Variants in DST observed in about 807,000 individuals in gnomAD.
DST encodes bullous pemphigoid antigen.
A neutral mutation model predicts 875.2 loss-of-function variants in DST; 253 were observed. The ratio of observed to expected loss-of-function variants is 0.29; its 90% CI spans 0.26 to 0.32. The LOEUF is 0.32. Among genes scored for constraint, DST ranks in the 10% least tolerant of loss-of-function variants. The probability of loss-of-function intolerance (pLI) is 1.00; values close to 1 mark genes in which losing one functional copy is unlikely to be tolerated. For missense variants in DST, 8,287 were observed against 9,111.6 expected (o/e 0.91, Z 3.68); for synonymous variants, 3,124 against 3,197.1 (o/e 0.98, Z 0.77).
intron 58 of DST, 74 bp from the exon 59 acceptor site, chr6:56,557,592 G>A (rs765907888): frequency 5.0e-5 from 57 of 1,138,612 alleles, no homozygotes; most frequent in Non-Finnish European, 6.6e-5. Flanking sequence ...AGGACTGTAT[G>A]GTATGATTTA....
chr6:56,902,498 T>A (rs1351930250), intron 2 of DST, among the ~76,000 whole-genome samples: 1 of 152,118 alleles, frequency 6.6e-6, no homozygotes, highest in African/African-American at 2.4e-5. Context: ...CTGAAGGATA[T>A]GAAGAAAGAG....
At chr6:56,740,184 T>C (rs2099541576) in intron 4 of DST, among the ~76,000 whole-genome samples, 1 of 152,112 alleles carries the variant, frequency 6.6e-6, no homozygotes, top group Admixed American at 6.5e-5. Context: ...CTTAATAAAC[T>C]TGCTTTCACT....
Position 56,532,452 on chromosome 6 carries a change from C to T in DST, c.17000G>A (p.Gly5667Glu), listed in dbSNP as rs2096912612. ...KSTVEVIKRE[G>E]EKIATTAEPA... Reference sequence around the variant, plus strand: ...CTCTGCTGTTGTAGCAATTTTTTCTCCTTCTCGTTTGATTACCTCCACCGT... The same window carrying T: ...CTCTGCTGTTGTAGCAATTTTTTCTTCTTCTCGTTTGATTACCTCCACCGT... The change falls in exon 64 of 104, where the codon GGA becomes GAA. Residue 5667 changes from glycine (G) to glutamate (E), a missense_variant. Physicochemically the swap from Gly to Glu is moderately conservative, Grantham distance 98 (BLOSUM62 -2). Coordinates refer to ENST00000680361, the MANE Select transcript of DST (RefSeq NM_001374736.1). The T allele has an allele frequency of 1.2e-6, 2 of 1,611,924 alleles. No individual in the cohort carries two copies. Among genetic ancestry groups the T allele is most frequent in the Non-Finnish European group, 1.7e-6 (2 of 1,178,878 alleles).
chr6:56,787,174 G>A lies in DST; in HGVS notation c.626-51885C>T, dbSNP rs1478532382. Among the ~76,000 whole-genome samples the A allele has an allele frequency of 1.8e-4, 27 of 152,206 alleles. 1 individual carries two copies. The highest frequency in any genetic ancestry group is 1.8e-3 in the Admixed American group (27 of 15,286). Reference sequence around the variant, plus strand: ...GAGGATGAGAGAACTGAGAACCACTGAGGGAATGGGAATTCTTAAGCTCTC... The same window carrying A: ...GAGGATGAGAGAACTGAGAACCACTAAGGGAATGGGAATTCTTAAGCTCTC... On this transcript the variant is annotated intron_variant, in intron 4 of 103. Transcript: ENST00000680361.
At chr6:56,949,257 TTTG>T (rs1028119570) in intron 2 of DST, among the ~76,000 whole-genome samples, 3 of 152,224 alleles carry the variant, frequency 2.0e-5, no homozygotes, top group Non-Finnish European at 4.4e-5. Context: ...TTTGTTTGTT[TTTG>T]TTGTTTTGTT....
At chr6:56,561,191 C>T in intron 57 of DST, 117 bp downstream of exon 57, 1 of 1,145,292 alleles carries the variant, frequency 8.7e-7, no homozygotes, top group African/African-American at 1.6e-5. Context: ...CAATTATGTG[C>T]TAAAGGTTAC....
rs550137479 is a variant in DST at position 56,689,275 on chromosome 6, C to G, written c.1047+10378G>C. ...CTTTTATAGAAAATGAAACTGAGAC[C>G]TAGAGAAATAAAGAAGACTGCCTAA... is the stretch of plus-strand genomic sequence containing the variant. On this transcript the variant is annotated intron_variant, in intron 9 of 103. Coordinates refer to ENST00000680361, the MANE Select transcript of DST (RefSeq NM_001374736.1). Among the ~76,000 whole-genome samples the G allele has an allele frequency of 1.4e-3, 208 of 152,078 alleles. 2 individuals are homozygous for G. Among genetic ancestry groups the G allele is most frequent in the Non-Finnish European group, 1.7e-3 (114 of 67,982 alleles).
chr6:56,608,215 A>G lies in DST; in HGVS notation c.6413T>C (p.Leu2138Ser). The G allele has an allele frequency of 6.2e-7, 1 of 1,613,662 alleles. No homozygotes were observed. Among genetic ancestry groups the G allele is most frequent in the Non-Finnish European group, 8.5e-7 (1 of 1,179,742 alleles). Residue 2138 changes from leucine (L) to serine (S), a missense_variant, in exon 40 of 104, where the codon TTA (leucine) becomes TCA (serine). Around this residue, in one of 10 missense-constraint regions of DST, gnomAD observed 3,138 missense variants for 3,116.6 expected, o/e 1.01. Transcript: ENST00000680361. ...GIIDNNTASI[L>S]KNITLPDKMP... Reference sequence around the variant, plus strand: ...TTTATCAGGCAGTGTTATATTTTTTAAAATTGATGCTGTGTTGTTGTCTAT... The same window carrying G: ...TTTATCAGGCAGTGTTATATTTTTTGAAATTGATGCTGTGTTGTTGTCTAT...
intron 4 of DST, among the ~76,000 whole-genome samples, chr6:56,772,857 C>A (rs2099670076): frequency 6.6e-6 from 1 of 152,142 alleles, no homozygotes; most frequent in Non-Finnish European, 1.5e-5. Flanking sequence ...CTAGGGTTGT[C>A]ATTGTGACCA....
chr6:56,822,837 T>G (rs558871507), intron 4 of DST, among the ~76,000 whole-genome samples: 16 of 149,206 alleles, frequency 1.1e-4, no homozygotes, highest in Non-Finnish European at 1.8e-4. Context: ...ATTTATTTAT[T>G]TTTTTTTTGA....
At chr6:56,789,776 C>T (rs948687232) in intron 4 of DST, among the ~76,000 whole-genome samples, 3 of 152,148 alleles carry the variant, frequency 2.0e-5, no homozygotes, top group South Asian at 4.1e-4. Context: ...AGCATGTGTC[C>T]GAATTTCCTT....
chr6:56,714,331 TAA>T lies in DST; in HGVS notation c.688-9964_688-9963del, dbSNP rs2099387706. Among the ~76,000 whole-genome samples the T allele has an allele frequency of 6.6e-6, 1 of 152,228 alleles. No homozygotes were observed. The highest frequency in any genetic ancestry group is 2.1e-4 in the South Asian group (1 of 4,834). On this transcript the variant is annotated intron_variant, in intron 5 of 103. Coordinates refer to ENST00000680361, the MANE Select transcript of DST (RefSeq NM_001374736.1). The surrounding 1 kb of genome is among the most constrained non-coding windows in gnomAD (Gnocchi z 4.5). The stretch of plus-strand genomic sequence containing the variant: ...AGAAATATACTTTCTGTAGGAGGAT[TAA>T]AAGTTTCAAAGTGATCACTTCCTAA...
chr6:56,582,217 T>G (rs979047972), intron 49 of DST, among the ~76,000 whole-genome samples: 11 of 152,174 alleles, frequency 7.2e-5, no homozygotes, highest in African/African-American at 2.7e-4. Flanking sequence ...GTTTGGATAT[T>G]TGTCCCCGCC....
chr6:56,889,017 C>G (rs973090155), intron 3 of DST, among the ~76,000 whole-genome samples: 4 of 152,154 alleles, frequency 2.6e-5, no homozygotes, highest in African/African-American at 9.7e-5. Context: ...AAGTCAAGAG[C>G]TACCTAGACC....
chr6:56,585,379 C>T (rs2098126171), intron 49 of DST, among the ~76,000 whole-genome samples: 1 of 152,144 alleles, frequency 6.6e-6, no homozygotes, highest in African/African-American at 2.4e-5. Context: ...AGTGTATTTG[C>T]GTAGAGGTGT....
chr6:56,708,719 C>T (rs2099350776), intron 5 of DST, among the ~76,000 whole-genome samples: 1 of 151,986 alleles, frequency 6.6e-6, no homozygotes, highest in African/African-American at 2.4e-5. Context: ...TAAAAATCAA[C>T]ATTATGGGTA....
At chr6:56,759,970 C>G (rs1282786421) in intron 4 of DST, among the ~76,000 whole-genome samples, 1 of 152,160 alleles carries the variant, frequency 6.6e-6, no homozygotes, top group Non-Finnish European at 1.5e-5. Context: ...ATGTCAAAAT[C>G]CTTTTATTTT....
chr6:56,636,364 GTA>G (rs201647475), intron 23 of DST, among the ~76,000 whole-genome samples, 191 bp downstream of exon 23: 5 of 148,166 alleles, frequency 3.4e-5, no homozygotes, highest in African/African-American at 7.5e-5. Context: ...ATATGTGTGT[GTA>G]TATATATACA....
At chr6:56,822,419 G>T (rs2099774112) in intron 4 of DST, among the ~76,000 whole-genome samples, 1 of 152,152 alleles carries the variant, frequency 6.6e-6, no homozygotes, top group South Asian at 2.1e-4. Context: ...ATCTGAGGAG[G>T]TCAAGACAAC....
Sources: allele counts gnomAD v4.1 joint callset (sites outside exome capture counted in the v4.1 genomes callset), GRCh38; gene constraint gnomAD v4.1.1; regional missense constraint gnomAD v4.1.1; non-coding constraint Gnocchi (gnomAD v3.1); transcripts MANE v1.5; gene names NCBI Gene and HGNC (gene_info 2026-07-23, HGNC 2026-07-21).